The following KIF15 variants were observed in gnomAD, a reference collection of about 807,000 sequenced individuals.
KIF15 encodes kinesin-like protein KIF15.
A neutral mutation model predicts 190.6 loss-of-function variants in KIF15; 140 were observed. The observed-to-expected ratio is 0.73, with a 90% CI of 0.64 to 0.84. The LOEUF is 0.84. KIF15 is among the 40% of genes least tolerant of loss of function. The pLI, the probability that KIF15 is intolerant of heterozygous loss-of-function variation, is 0.00. For synonymous variants in KIF15, 528 were observed against 551.3 expected (o/e 0.96, Z 0.59); for missense variants, 1,372 against 1,584.4 (o/e 0.87, Z 2.28).
intron 14 of KIF15, among the ~76,000 whole-genome samples, chr3:44,804,151 G>T (rs1707392542): frequency 6.6e-6 from 1 of 152,078 alleles, no homozygotes; most frequent in Non-Finnish European, 1.5e-5. Context: ...CCTGACTTAG[G>T]TTTTCTGTTT....
At chr3:44,846,287 AG>A (rs1012693676) in intron 30 of KIF15, among the ~76,000 whole-genome samples, 7 of 152,338 alleles carry the variant, frequency 4.6e-5, no homozygotes, top group African/African-American at 1.4e-4. Flanking sequence ...GACAATACTC[AG>A]GTGTATGGGT....
At chr3:44,805,293 T>C (rs1479142456) in intron 15 of KIF15, 125 bp downstream of exon 15, 1 of 857,202 alleles carries the variant, frequency 1.2e-6, no homozygotes, top group Non-Finnish European at 1.8e-6. Context: ...CAGCAACTAC[T>C]TTGACATGAA....
chr3:44,815,780 A>G (rs1302254311), intron 20 of KIF15, among the ~76,000 whole-genome samples: 1 of 152,034 alleles, frequency 6.6e-6, no homozygotes, highest in African/African-American at 2.4e-5. Flanking sequence ...ATAACATAAC[A>G]CTTTTTGATA....
intron 26 of KIF15, 23 bp from the exon 27 acceptor site, chr3:44,838,252 C>T: frequency 6.4e-7 from 1 of 1,571,560 alleles, no homozygotes; most frequent in Non-Finnish European, 8.6e-7. Flanking sequence ...AATTAAGAAA[C>T]TGTGATGATT....
At chr3:44,802,023 G>T in intron 13 of KIF15, 49 bp downstream of exon 13, 1 of 1,335,546 alleles carries the variant, frequency 7.5e-7, no homozygotes. Context: ...GAAGTTCAAA[G>T]CAAATCTAAG....
chr3:44,790,394 G>A (rs1260654564), intron 7 of KIF15, among the ~76,000 whole-genome samples: 1 of 152,070 alleles, frequency 6.6e-6, no homozygotes, highest in Non-Finnish European at 1.5e-5. Context: ...GGCCGGGCTG[G>A]TCTTTACACA....
chr3:44,780,510 G>A (rs1038411173), intron 4 of KIF15, among the ~76,000 whole-genome samples: 3 of 152,174 alleles, frequency 2.0e-5, no homozygotes, highest in African/African-American at 7.2e-5. Context: ...ATGGAATACT[G>A]TGTAGCTATT....
chr3:44,806,257 C>T (rs1040539584), intron 16 of KIF15, among the ~76,000 whole-genome samples: 1 of 152,166 alleles, frequency 6.6e-6, no homozygotes, highest in African/African-American at 2.4e-5. Context: ...TGAGCCTTAT[C>T]TTTCTTTTCT....
At chr3:44,849,259 T>C (rs1004068987) in intron 32 of KIF15, among the ~76,000 whole-genome samples, 7 of 152,218 alleles carry the variant, frequency 4.6e-5, no homozygotes, top group African/African-American at 1.7e-4. Context: ...ATATCTAAAA[T>C]TTTTCATTGT....
At chr3:44,835,640 G>T (rs546192622) in intron 26 of KIF15, among the ~76,000 whole-genome samples, 1 of 152,244 alleles carries the variant, frequency 6.6e-6, no homozygotes, top group South Asian at 2.1e-4. Context: ...AATGCAGAGA[G>T]ATTTCTAAGC....
At chr3:44,789,037 T>C (rs984887371) in intron 7 of KIF15, among the ~76,000 whole-genome samples, 7 of 152,222 alleles carry the variant, frequency 4.6e-5, no homozygotes, top group Non-Finnish European at 8.8e-5. Context: ...ATCTTTGCCA[T>C]ACTGCCATTC....
In KIF15 at chr3:44,810,897, A is replaced by T; in HGVS notation, c.2023A>T (p.Lys675Ter). ...CCAACTTCATTCCCGACCAGTACCA[A>T]AATTAAGCCCTGAAATGGGAAGCTT... is the stretch of plus-strand genomic sequence containing the variant. ...AYQLHSRPVP[K>*]LSPEMGSFGS... is the part of the protein sequence containing the mutation. The change falls in exon 17 of 35, where the codon AAA (lysine) becomes TAA (stop). Residue 675 changes from lysine to a stop codon, truncating the protein, a stop_gained. Transcript: ENST00000326047. LOFTEE classifies it high-confidence loss of function. 1 of 1,614,126 alleles carries T rather than the reference A, an allele frequency of 6.2e-7. No individual in the cohort carries two copies. Among genetic ancestry groups the T allele is most frequent in the Non-Finnish European group, 8.5e-7 (1 of 1,180,006 alleles).
At chr3:44,841,342 A>G (rs1051007782) in intron 29 of KIF15, 104 bp downstream of exon 29, 2 of 775,556 alleles carry the variant, frequency 2.6e-6, no homozygotes. Flanking sequence ...TCAGCCACCC[A>G]GTATCTGGCA....
intron 6 of KIF15, among the ~76,000 whole-genome samples, chr3:44,859,517 T>G (rs1282329234): frequency 1.3e-5 from 2 of 151,950 alleles, no homozygotes; most frequent in Non-Finnish European, 2.9e-5. Context: ...ATACAAAAAT[T>G]AGCCAGGCAT....
chr3:44,833,729 C>T (rs1479734046), intron 26 of KIF15, among the ~76,000 whole-genome samples: 3 of 152,092 alleles, frequency 2.0e-5, no homozygotes, highest in Non-Finnish European at 4.4e-5. Flanking sequence ...GGCTGGGGGC[C>T]GCTGGCATAA....
Position 44,843,594 on chromosome 3 carries a change from C to G in KIF15, c.3695+360C>G, listed in dbSNP as rs3804581. ...AATTCCCTACTAGTTGGCTTTGCTT[C>G]GTAACTCATGGTCCAGGGAAAGCCC... On this transcript the variant is annotated intron_variant, in intron 30 of 34. Coordinates refer to ENST00000326047, the MANE Select transcript of KIF15 (RefSeq NM_020242.3). 2.6e-5 allele frequency among the ~76,000 whole-genome samples: 4 copies of G among 152,290 alleles called. No individual in the cohort carries two copies. In the East Asian group the frequency reaches 7.7e-4, roughly 29 times the overall value.
intron 1 of KIF15, among the ~76,000 whole-genome samples, chr3:44,768,613 C>A (rs1705512013): frequency 6.6e-6 from 1 of 152,086 alleles, no homozygotes; most frequent in Non-Finnish European, 1.5e-5. Context: ...TTTTCAGTGA[C>A]CCGGCAGGCG....
intron 26 of KIF15, among the ~76,000 whole-genome samples, chr3:44,836,242 A>C (rs1698314197): frequency 6.6e-6 from 1 of 151,708 alleles, no homozygotes; most frequent in African/African-American, 2.4e-5. Flanking sequence ...TGTAATCCCA[A>C]CTACTCAGGA....
At chr3:44,793,264 C>G (rs1405363236) in intron 7 of KIF15, among the ~76,000 whole-genome samples, 1 of 152,114 alleles carries the variant, frequency 6.6e-6, no homozygotes, top group Admixed American at 6.5e-5. Context: ...CATCTGATTC[C>G]AGAGCCTGCA....
Sources: allele counts gnomAD v4.1 joint callset (sites outside exome capture counted in the v4.1 genomes callset), GRCh38; gene constraint gnomAD v4.1.1; transcripts MANE v1.5; gene names NCBI Gene and HGNC (gene_info 2026-07-23, HGNC 2026-07-21).